The following PRKCA variants were observed in gnomAD, a reference collection of about 807,000 sequenced individuals.
PRKCA encodes protein kinase C alpha type.
Under a neutral mutation model 87.0 loss-of-function variants are expected in PRKCA, and 27 were observed. The observed-to-expected ratio is 0.31, with a 90% CI of 0.23 to 0.43. PRKCA has a LOEUF of 0.43. Among genes scored for constraint, PRKCA ranks in the 20% least tolerant of loss-of-function variants. The pLI is 1.00. For synonymous variants in PRKCA, 329 were observed against 311.1 expected, an observed-to-expected ratio of 1.06 and a Z score of -0.61; for missense variants, 518 against 852.3, an observed-to-expected ratio of 0.61 and a Z score of 4.88.
chr17:66,418,513 G>C (rs868075399), intron 2 of PRKCA, among the ~76,000 whole-genome samples: 2 of 150,106 alleles, frequency 1.3e-5, no homozygotes, highest in Non-Finnish European at 3.0e-5. Flanking sequence ...TCAGCTCACT[G>C]CAACCTCTGC....
intron 3 of PRKCA, among the ~76,000 whole-genome samples, chr17:66,536,281 C>A (rs531056827): frequency 3.9e-4 from 59 of 152,296 alleles, no homozygotes; most frequent in African/African-American, 1.4e-3. Context: ...CTTTCCAGAA[C>A]TTCCCTGAAC....
chr17:66,643,106 G>A (rs146280345), intron 4 of PRKCA, among the ~76,000 whole-genome samples: 1 of 152,310 alleles, frequency 6.6e-6, no homozygotes, highest in Non-Finnish European at 1.5e-5. Flanking sequence ...CAGGGGTTCT[G>A]CAAGGGCTTA....
intron 2 of PRKCA, among the ~76,000 whole-genome samples, chr17:66,386,806 T>C (rs1910087107): frequency 1.3e-5 from 2 of 151,376 alleles, no homozygotes; most frequent in Admixed American, 6.6e-5. Flanking sequence ...CTTTTTTTTT[T>C]CTTTTAATGT....
chr17:66,313,502 T>C (rs1905171189), intron 2 of PRKCA, among the ~76,000 whole-genome samples: 1 of 152,224 alleles, frequency 6.6e-6, no homozygotes, highest in South Asian at 2.1e-4. Context: ...TTTAGAATAT[T>C]ATCCAAGCAT....
At chr17:66,440,818 G>C (rs1233736440) in intron 2 of PRKCA, among the ~76,000 whole-genome samples, 3 of 152,064 alleles carry the variant, frequency 2.0e-5, no homozygotes, top group African/African-American at 7.2e-5. Context: ...TTGAGCCCAG[G>C]AGTTTGAGAC....
At chr17:66,691,828 T>C (rs549695934) in intron 8 of PRKCA, among the ~76,000 whole-genome samples, 3 of 152,366 alleles carry the variant, frequency 2.0e-5, no homozygotes, top group Admixed American at 6.5e-5. Flanking sequence ...ACAGGGTTCC[T>C]CACAGTAATG....
At chr17:66,760,245 A>G (rs1378366496) in intron 13 of PRKCA, among the ~76,000 whole-genome samples, 1 of 152,246 alleles carries the variant, frequency 6.6e-6, no homozygotes. Flanking sequence ...CTAAAAATCA[A>G]TAACAAAGAT....
rs1975930343 is a variant in PRKCA at position 66,802,791 on chromosome 17, C to T, written c.1855-1082C>T. ...ACTTCACAGTTAATCCAGAGCTATT[C>T]TCTGTTAGAGACCCAAGGATGCCTG... On this transcript the variant is annotated intron_variant, in intron 16 of 16. Transcript: ENST00000413366. 2.0e-5 allele frequency among the ~76,000 whole-genome samples: 3 copies of T among 152,370 alleles called. No homozygotes were observed. In the South Asian group the frequency reaches 6.2e-4, roughly 32 times the overall value.
At chr17:66,663,169 C>A (rs1201226733) in intron 5 of PRKCA, among the ~76,000 whole-genome samples, 1 of 152,226 alleles carries the variant, frequency 6.6e-6, no homozygotes, top group African/African-American at 2.4e-5. Flanking sequence ...CGGGCACAAA[C>A]AAGAACAGCT....
intron 3 of PRKCA, among the ~76,000 whole-genome samples, chr17:66,579,967 C>A (rs117553501): frequency 6.6e-6 from 1 of 152,128 alleles, no homozygotes; most frequent in Non-Finnish European, 1.5e-5. Flanking sequence ...TCTCTCTCCT[C>A]GGCTCACTCT....
chr17:66,496,283 T>G lies in PRKCA; in HGVS notation c.288T>G (p.Asp96Glu), dbSNP rs375714097. 1 of 1,610,214 alleles carries G rather than the reference T, an allele frequency of 6.2e-7. No homozygotes were observed. Among genetic ancestry groups the G allele is most frequent in the African/African-American group, 1.3e-5 (1 of 74,850 alleles). ...GTGCGGATAAGGGACCCGACACTGA[T>G]GTAAGTAGTCCTGAAATCATGATTT... ...CPGADKGPDT[D>E]DPRSKHKFKI... The change falls in exon 3 of 17, where the codon GAT becomes GAG. Residue 96 changes from aspartate to glutamate, a missense_variant and splice_region_variant. This residue lies in a region of PRKCA where 300 missense variants were observed against 496.8 expected (regional missense o/e 0.60). Transcript: ENST00000413366.
At chr17:66,539,791 A>G (rs1469986898) in intron 3 of PRKCA, among the ~76,000 whole-genome samples, 1 of 152,208 alleles carries the variant, frequency 6.6e-6, no homozygotes, top group Non-Finnish European at 1.5e-5. Context: ...TGCTTCTTTA[A>G]TTCAGATTTG....
In PRKCA at chr17:66,471,645, A is replaced by ATT. The variant is rs554913573; in HGVS notation, c.206-24539_206-24538dup. The stretch of plus-strand genomic sequence containing the variant: ...GGAAAATTGAATGGACTGTTTTCTA[A>ATT]TTTTTTTTTTTTTTTTTTGCATCTG... On this transcript the variant is annotated intron_variant, in intron 2 of 16. Coordinates refer to ENST00000413366, the MANE Select transcript of PRKCA (RefSeq NM_002737.3). Among the ~76,000 whole-genome samples the ATT allele has an allele frequency of 9.6e-3, 1,319 of 137,900 alleles. 13 individuals are homozygous for ATT. The highest frequency in any genetic ancestry group is 0.023 in the African/African-American group (877 of 37,404). 90.5% of individuals were successfully genotyped at this position (137,900 alleles called of 152,430 possible).
chr17:66,791,736 C>T (rs1354803786), intron 16 of PRKCA, among the ~76,000 whole-genome samples: 2 of 152,218 alleles, frequency 1.3e-5, no homozygotes, highest in Non-Finnish European at 2.9e-5. Flanking sequence ...AGAGCCATTC[C>T]AGTGGCTGGA....
intron 2 of PRKCA, among the ~76,000 whole-genome samples, chr17:66,351,875 C>T (rs984975206): frequency 5.9e-5 from 9 of 152,092 alleles, no homozygotes; most frequent in African/African-American, 1.9e-4. Context: ...ACCCCGAGAA[C>T]CCTGGGACTC....
rs1000272631 is a variant in PRKCA, at chr17:66,803,077, C to T, written c.1855-796C>T. Among the ~76,000 whole-genome samples the T allele has an allele frequency of 2.0e-5, 3 of 152,182 alleles. No homozygotes were observed. Among genetic ancestry groups the T allele is most frequent in the East Asian group, 1.9e-4 (1 of 5,184 alleles). ...AGGCTACCAAGCCGTGCTGCCTAAG[C>T]GGCTGTGTGTCTCAGCGACCCCAGT... On this transcript the variant is annotated intron_variant, in intron 16 of 16. Transcript: ENST00000413366. The surrounding 1 kb of genome is among the most constrained non-coding windows in gnomAD (Gnocchi z 4.4).
At chr17:66,656,225 T>C (rs1330878333) in intron 5 of PRKCA, among the ~76,000 whole-genome samples, 1 of 152,220 alleles carries the variant, frequency 6.6e-6, no homozygotes, top group Non-Finnish European at 1.5e-5. Flanking sequence ...ATAGTTTCTC[T>C]TTCTCCTGCT....
At chr17:66,500,700 A>G (rs1916687566) in intron 3 of PRKCA, among the ~76,000 whole-genome samples, 2 of 152,234 alleles carry the variant, frequency 1.3e-5, no homozygotes, top group South Asian at 4.1e-4. Flanking sequence ...CCAGTGGAGC[A>G]CATTGACAGC....
At chr17:66,631,564 AT>A (rs1971012083) in intron 3 of PRKCA, among the ~76,000 whole-genome samples, 1 of 152,154 alleles carries the variant, frequency 6.6e-6, no homozygotes, top group Admixed American at 6.5e-5. Flanking sequence ...GACCACAAGC[AT>A]GCGCCACTGC....
Sources: gnomAD v4.1 joint callset for allele counts (sites outside exome capture counted in the v4.1 genomes callset) on GRCh38, gnomAD v4.1.1 for gene constraint, gnomAD v4.1.1 regional missense constraint, Gnocchi (gnomAD v3.1) non-coding constraint, MANE v1.5 for transcripts, NCBI Gene and HGNC (gene_info 2026-07-23, HGNC 2026-07-21) for gene names.